The following ZNF280C variants were observed in gnomAD, a reference collection of about 807,000 sequenced individuals.
The protein encoded by ZNF280C is suppressor of hairy wing homolog 3.
In ZNF280C, 14 loss-of-function variants were observed where a neutral mutation model predicts 53.6. The observed-to-expected ratio is 0.26, with a 90% CI of 0.17 to 0.41. The LOEUF (loss-of-function observed/expected upper bound fraction) is 0.41. Ranked by LOEUF, ZNF280C falls within the 10% of genes least tolerant of loss-of-function variation. The pLI, the probability that ZNF280C is intolerant of heterozygous loss-of-function variation, is 1.00. For synonymous variants in ZNF280C, 203 were observed against 181.1 expected (o/e 1.12, Z -0.97); for missense variants, 416 against 547.1 (o/e 0.76, Z 2.39).
At chrX:130,216,175 C>T (rs1371899397) in intron 13 of ZNF280C, 74 bp from the exon 14 acceptor site, 45 of 930,638 alleles carry the variant, frequency 4.8e-5, no homozygotes, top group Non-Finnish European at 5.4e-5. Flanking sequence ...CATTGTAAGC[C>T]GTAAATATCA....
chrX:130,236,665 G>C (rs758977982), intron 6 of ZNF280C, 26 bp from the exon 7 acceptor site: 13 of 1,048,946 alleles, frequency 1.2e-5, no homozygotes, highest in Non-Finnish European at 1.2e-5. Flanking sequence ...TAGTGAGAAA[G>C]ATATTTGTAA....
rs1432264093 is a variant in ZNF280C, at chrX:130,236,268, A to G, written c.717T>C (p.Cys239=). 5 of 1,206,772 alleles carry G rather than the reference A, an allele frequency of 4.1e-6. No homozygotes were observed. Among genetic ancestry groups the G allele is most frequent in the Non-Finnish European group, 3.4e-6 (3 of 893,449 alleles). The change falls in exon 8 of 19, where the codon TGT becomes TGC. Residue 239 remains cysteine (C), a synonymous_variant. Transcript: ENST00000370978. ...GATTGAACTGAACATTGCACTTTGG[A>G]CAAGCTCTTAGGTAATCTGCTCCAG... ...YDAGADYLRA[C]PKCNVQFNLL... is the part of the protein sequence containing the mutation.
At chrX:130,249,061 A>G (rs1473117267) in intron 2 of ZNF280C, among the ~76,000 whole-genome samples, 1 of 111,317 alleles carries the variant, frequency 9.0e-6, no homozygotes, top group Non-Finnish European at 1.9e-5. Context: ...CACCACTGCC[A>G]CTAGAATGTA....
chrX:130,230,066 G>GGTTTTGGTAAACGCCTGCAATTT (rs1409230591), intron 9 of ZNF280C, among the ~76,000 whole-genome samples: 3 of 111,436 alleles, frequency 2.7e-5, no homozygotes, highest in African/African-American at 9.8e-5. Context: ...ACTTCTCTTT[G>GGTTTTGGTAAACGCCTGCAATTT]GTTTTGGTAA....
chrX:130,233,493 G>A (rs1320127994), intron 8 of ZNF280C, among the ~76,000 whole-genome samples: 1 of 109,157 alleles, frequency 9.2e-6, no homozygotes, highest in Non-Finnish European at 1.9e-5. Flanking sequence ...GTGCATGCCT[G>A]TAATCCCGGT....
At chrX:130,213,630 T>C (rs1481356757) in intron 15 of ZNF280C, among the ~76,000 whole-genome samples, 1 of 111,996 alleles carries the variant, frequency 8.9e-6, no homozygotes, top group Non-Finnish European at 1.9e-5. Context: ...CAAAATTGAA[T>C]TGATACTACT....
chrX:130,264,525 G>T (rs1458339371), intron 1 of ZNF280C, among the ~76,000 whole-genome samples: 1 of 110,833 alleles, frequency 9.0e-6, no homozygotes, highest in Non-Finnish European at 1.9e-5. Context: ...CTGCTCTGGG[G>T]ATTCTCTGGG....
intron 1 of ZNF280C, among the ~76,000 whole-genome samples, chrX:130,266,404 G>A (rs1451308004): frequency 9.0e-6 from 1 of 111,322 alleles, no homozygotes. Flanking sequence ...TTAGATGGGA[G>A]GAATAAGTTT....
chrX:130,227,827 A>C, intron 10 of ZNF280C, 45 bp from the exon 11 acceptor site: 2 of 723,739 alleles, frequency 2.8e-6, no homozygotes, highest in African/African-American at 4.2e-5. Flanking sequence ...GGATGTATAT[A>C]AAAAAAGATT....
intron 12 of ZNF280C, among the ~76,000 whole-genome samples, chrX:130,225,756 C>T (rs1290442802): frequency 1.8e-5 from 2 of 110,380 alleles, no homozygotes; most frequent in Non-Finnish European, 1.9e-5. Context: ...GACTTTTTTT[C>T]CAATTAACAA....
intron 5 of ZNF280C, among the ~76,000 whole-genome samples, chrX:130,242,688 C>T (rs2032406275): frequency 1.8e-5 from 2 of 111,478 alleles, no homozygotes; most frequent in African/African-American, 6.5e-5. Flanking sequence ...TACAGGCATG[C>T]GCCAACACGC....
At chrX:130,252,435 T>C (rs1031434514) in intron 2 of ZNF280C, among the ~76,000 whole-genome samples, 2 of 111,200 alleles carry the variant, frequency 1.8e-5, no homozygotes, top group African/African-American at 6.5e-5. Flanking sequence ...AAATACTCAA[T>C]AAACGGTCAG....
chrX:130,244,754 G>A (rs1197450800), intron 3 of ZNF280C, among the ~76,000 whole-genome samples: 8 of 98,315 alleles, frequency 8.1e-5, no homozygotes, highest in South Asian at 5.2e-4. Flanking sequence ...CTCCAGCCTG[G>A]GCGACAGAGC....
chrX:130,265,912 T>C (rs1373629338), intron 1 of ZNF280C, among the ~76,000 whole-genome samples: 1 of 112,097 alleles, frequency 8.9e-6, no homozygotes, highest in Non-Finnish European at 1.9e-5. Context: ...TCAATTAAAA[T>C]CATATCATAA....
chrX:130,205,687 T>C lies in ZNF280C; in HGVS notation c.2043-272A>G, dbSNP rs1050870867. ...TGGGGTCAGGAGTTCGAGACCAGCC[T>C]GACCAATATGGTGAAACCTCGTCTC... On this transcript the variant is annotated intron_variant, in intron 16 of 18. Transcript: ENST00000370978. Among the ~76,000 whole-genome samples, 4 of 109,905 alleles carry C rather than the reference T, an allele frequency of 3.6e-5. No individual in the cohort carries two copies. In the South Asian group the frequency reaches 1.6e-3, roughly 43 times the overall value.
intron 12 of ZNF280C, among the ~76,000 whole-genome samples, chrX:130,224,795 C>A (rs2032203365): frequency 9.0e-6 from 1 of 111,489 alleles, no homozygotes; most frequent in Non-Finnish European, 1.9e-5. Context: ...AATTTTCAGA[C>A]GACTCCTCCC....
At chrX:130,245,571 GAAGT>G (rs1201828856) in intron 3 of ZNF280C, among the ~76,000 whole-genome samples, 1 of 111,600 alleles carries the variant, frequency 9.0e-6, no homozygotes. Flanking sequence ...AGAGCCAAGA[GAAGT>G]AAGAACTAGG....
At chrX:130,261,236 C>T (rs2032627906) in intron 1 of ZNF280C, among the ~76,000 whole-genome samples, 1 of 111,900 alleles carries the variant, frequency 8.9e-6, no homozygotes, top group African/African-American at 3.2e-5. Context: ...TTACATTAAA[C>T]GTTATCAAAA....
Position 130,261,279 on chromosome X carries a change from G to A in ZNF280C, c.-16-814C>T, listed in dbSNP as rs754579518. 1.1e-3 allele frequency among the ~76,000 whole-genome samples: 126 copies of A among 112,219 alleles called. 1 individual carries two copies. Among genetic ancestry groups the A allele is most frequent in the African/African-American group, 4.0e-3 (124 of 30,927 alleles). On this transcript the variant is annotated intron_variant, in intron 1 of 18. Transcript: ENST00000370978. ...GAATTGCTTTCTAAAACAGGAATTTGTATCCTGAGTTCTCGTGCACTGAAC... is the reference window on the plus strand; with the variant it reads ...GAATTGCTTTCTAAAACAGGAATTTATATCCTGAGTTCTCGTGCACTGAAC...
Sources: allele counts gnomAD v4.1 joint callset (sites outside exome capture counted in the v4.1 genomes callset), GRCh38; gene constraint gnomAD v4.1.1; transcripts MANE v1.5; gene names NCBI Gene and HGNC (gene_info 2026-07-23, HGNC 2026-07-21).